The following TEX11 variants were observed in gnomAD, a reference collection of about 807,000 sequenced individuals.
TEX11 encodes the protein testis-expressed protein 11.
In TEX11, 7 loss-of-function variants were observed where a neutral mutation model predicts 84.4. That is an observed-to-expected ratio of 0.08 (90% CI 0.05 to 0.16). The LOEUF (loss-of-function observed/expected upper bound fraction) is 0.16, where lower values mean the gene tolerates loss of function less well. Among genes scored for constraint, TEX11 ranks in the 10% least tolerant of loss-of-function variants. The pLI is 1.00. For missense variants in TEX11, 551 were observed against 660.5 expected (o/e 0.83, Z 1.82); for synonymous variants, 264 against 222.8 (o/e 1.18, Z -1.64).
At chrX:70,737,043 G>A (rs2090701342) in intron 11 of TEX11, among the ~76,000 whole-genome samples, 1 of 111,315 alleles carries the variant, frequency 9.0e-6, no homozygotes, top group African/African-American at 3.3e-5. Flanking sequence ...ATAATAGATG[G>A]AAACTAATCT....
intron 25 of TEX11, among the ~76,000 whole-genome samples, chrX:70,569,144 A>G (rs1465402718): frequency 9.0e-6 from 1 of 110,820 alleles, no homozygotes; most frequent in African/African-American, 3.3e-5. Flanking sequence ...TTCTTGCTTC[A>G]TTTCATTCAT....
chrX:70,804,971 CTTT>C (rs748863855), intron 9 of TEX11, among the ~76,000 whole-genome samples: 2 of 68,193 alleles, frequency 2.9e-5, no homozygotes, highest in Admixed American at 3.3e-4. Flanking sequence ...CACCAGCATC[CTTT>C]TTTTTTTTTT....
intron 4 of TEX11, among the ~76,000 whole-genome samples, chrX:70,861,774 A>C (rs1031960808): frequency 2.7e-5 from 3 of 110,824 alleles, no homozygotes; most frequent in African/African-American, 9.8e-5. Flanking sequence ...GCCCAGAGAG[A>C]TATTTAATAC....
intron 11 of TEX11, among the ~76,000 whole-genome samples, chrX:70,733,140 C>T (rs2090667850): frequency 1.8e-5 from 2 of 111,823 alleles, no homozygotes; most frequent in Admixed American, 9.5e-5. Context: ...ACACTTTATA[C>T]TAAAATTAAT....
At chrX:70,788,937 TA>T (rs2091096746) in intron 9 of TEX11, among the ~76,000 whole-genome samples, 1 of 15,264 alleles carries the variant, frequency 6.6e-5, no homozygotes, top group Non-Finnish European at 9.7e-5. Flanking sequence ...GGGTTTTGAT[TA>T]TATATATATA....
chrX:70,567,147 C>T (rs1231724008), intron 25 of TEX11, among the ~76,000 whole-genome samples: 5 of 110,835 alleles, frequency 4.5e-5, no homozygotes, highest in South Asian at 3.9e-4. Flanking sequence ...GTGTATGTGT[C>T]GAGGAATTTA....
At chrX:70,665,585 T>C (rs780514080) in intron 16 of TEX11, among the ~76,000 whole-genome samples, 1 of 111,831 alleles carries the variant, frequency 8.9e-6, no homozygotes, top group African/African-American at 3.2e-5. Flanking sequence ...AAATTTTTAT[T>C]TATACAATTT....
At chrX:70,725,816 T>A (rs954478085) in intron 11 of TEX11, among the ~76,000 whole-genome samples, 1 of 112,012 alleles carries the variant, frequency 8.9e-6, no homozygotes, top group African/African-American at 3.2e-5. Flanking sequence ...CCCTAAGCCA[T>A]CTGTGATCTT....
chrX:70,602,046 G>C (rs1402733864), intron 24 of TEX11, among the ~76,000 whole-genome samples: 1 of 111,134 alleles, frequency 9.0e-6, no homozygotes, highest in Non-Finnish European at 1.9e-5. Flanking sequence ...CCAATGAGCC[G>C]CTGGGCACAC....
chrX:70,661,089 G>A (rs933820754), intron 16 of TEX11, among the ~76,000 whole-genome samples: 11 of 112,215 alleles, frequency 9.8e-5, no homozygotes, highest in Non-Finnish European at 1.7e-4. Context: ...TGCCTCACCC[G>A]GGAAGTGCAA....
At chrX:70,596,312 C>T (rs2089006565) in intron 24 of TEX11, among the ~76,000 whole-genome samples, 1 of 111,746 alleles carries the variant, frequency 8.9e-6, no homozygotes, top group Admixed American at 9.5e-5. Flanking sequence ...AAACATTTCA[C>T]TAACCCAAGT....
chrX:70,886,633 G>T (rs962663511), intron 2 of TEX11, among the ~76,000 whole-genome samples: 4 of 111,743 alleles, frequency 3.6e-5, no homozygotes, highest in Non-Finnish European at 5.6e-5. Flanking sequence ...AAGCTAAACA[G>T]GTGCATAGAA....
chrX:70,893,758 A>C (rs1199415748), intron 2 of TEX11, among the ~76,000 whole-genome samples: 2 of 111,565 alleles, frequency 1.8e-5, no homozygotes, highest in Non-Finnish European at 3.8e-5. Context: ...AGACACAAAA[A>C]ACCCTTCAAA....
chrX:70,709,831 A>G (rs1349143384), intron 13 of TEX11, among the ~76,000 whole-genome samples: 1 of 111,309 alleles, frequency 9.0e-6, no homozygotes, highest in Admixed American at 9.7e-5. Flanking sequence ...GATGAGCCTG[A>G]ACAAATTGCT....
the TEX11 span, among the ~76,000 whole-genome samples, chrX:70,517,526 G>C: frequency 1.8e-5 from 2 of 111,201 alleles, no homozygotes; most frequent in African/African-American, 6.5e-5. Context: ...AGGTTTGCCA[G>C]TATTTTATTG....
chrX:70,863,259 C>A (rs1191332290), intron 4 of TEX11, among the ~76,000 whole-genome samples: 3 of 111,963 alleles, frequency 2.7e-5, no homozygotes, highest in African/African-American at 6.5e-5. Flanking sequence ...GGGTCCCTGA[C>A]CCCCGTGCCT....
chrX:70,810,685 C>T (rs1464050448), intron 8 of TEX11, among the ~76,000 whole-genome samples: 1 of 110,389 alleles, frequency 9.1e-6, no homozygotes, highest in East Asian at 2.8e-4. Context: ...GGAGAAATAC[C>T]TAATGTAGAT....
intron 25 of TEX11, 74 bp downstream of exon 25, chrX:70,591,677 G>A: frequency 1.2e-6 from 1 of 813,135 alleles, no homozygotes; most frequent in Non-Finnish European, 1.8e-6. Context: ...CAAATTTCTG[G>A]TGACAAAAGA....
At chrX:70,844,825 C>T (rs955853523) in intron 7 of TEX11, among the ~76,000 whole-genome samples, 1 of 109,768 alleles carries the variant, frequency 9.1e-6, no homozygotes, top group Non-Finnish European at 1.9e-5. Flanking sequence ...ATCCCAGCTA[C>T]CTCCCAGGCT....
Sources: allele counts gnomAD v4.1 joint callset (sites outside exome capture counted in the v4.1 genomes callset), GRCh38; gene constraint gnomAD v4.1.1; transcripts MANE v1.5; gene names NCBI Gene and HGNC (gene_info 2026-07-23, HGNC 2026-07-21).